Variants in IQCE observed in about 807,000 individuals in gnomAD.
IQCE encodes IQ domain-containing protein E.
A neutral mutation model predicts 96.0 loss-of-function variants in IQCE; 115 were observed. The observed-to-expected ratio is 1.20, with a 90% CI of 1.03 to 1.40. IQCE has a LOEUF of 1.40. Among genes scored for constraint, IQCE ranks in the 40% most tolerant of loss-of-function variants. The pLI, the probability that IQCE is intolerant of heterozygous loss-of-function variation, is 0.00. For synonymous variants in IQCE, 412 were observed against 371.2 expected (o/e 1.11, Z -1.26); for missense variants, 1,041 against 909.1 (o/e 1.15, Z -1.87).
chr7:2,597,536 T>C lies in IQCE; in HGVS notation c.1441-929T>C, dbSNP rs574792678. Among the ~76,000 whole-genome samples the C allele has an allele frequency of 8.5e-5, 13 of 152,364 alleles. No homozygotes were observed. In the South Asian group the frequency reaches 2.7e-3, roughly 32 times the overall value. ...CACTGGGAGCAGTCTTGTGTCTCCC[T>C]CCGGGGAGGGCTTTCAGCAACAGCG... is the stretch of plus-strand genomic sequence containing the variant. On this transcript the variant is annotated intron_variant, in intron 16 of 21. Coordinates refer to ENST00000402050, the MANE Select transcript of IQCE (RefSeq NM_152558.5).
At position 2,608,218 on chromosome 7, in the gene IQCE, C is replaced by T. The variant is rs115012924; in HGVS notation, c.1969+991C>T. On this transcript the variant is annotated intron_variant, in intron 21 of 21. Transcript: ENST00000402050. ...TACCACTCCAGTAAGTGTGGGGGCC[C>T]GTGGCGGGCGGAGGCCTCGCTTTCC... Among the ~76,000 whole-genome samples, 1,268 of 152,264 alleles carry T rather than the reference C, an allele frequency of 8.3e-3. 23 individuals are homozygous for T. Among genetic ancestry groups the T allele is most frequent in the African/African-American group, 0.029 (1,190 of 41,560 alleles).
At chr7:2,596,764 A>G (rs974452824) in intron 16 of IQCE, 51 of 340,358 alleles carry the variant, frequency 1.5e-4, no homozygotes, top group African/African-American at 9.9e-4. Flanking sequence ...GGACTAACAG[A>G]TGATCTCACT....
Position 2,559,077 on chromosome 7 carries a change from C to A in IQCE, c.-105C>A. 1 of 621,678 alleles carries A rather than the reference C, an allele frequency of 1.6e-6. No individual in the cohort carries two copies. Among genetic ancestry groups the A allele is most frequent in the Non-Finnish European group, 2.3e-6 (1 of 443,718 alleles). The allele number at this position is 621,678 out of a possible 1,614,324, so 38.5% of individuals were successfully genotyped here. On this transcript the variant is annotated 5_prime_UTR_variant, in exon 1 of 22. Coordinates refer to ENST00000402050, the MANE Select transcript of IQCE (RefSeq NM_152558.5). ...ATGGCAGCGGGGTCGCGGGCCGGCG[C>A]CAGGGAAGGCCCCGAGGCTGCGGGC...
intron 1 of IQCE, among the ~76,000 whole-genome samples, chr7:2,563,015 T>C (rs908082372): frequency 6.6e-6 from 1 of 152,148 alleles, no homozygotes; most frequent in Non-Finnish European, 1.5e-5. Flanking sequence ...AGCCTCATAC[T>C]CCTGGGCTTG....
chr7:2,593,752 T>A lies in IQCE; in HGVS notation c.1349+626T>A, dbSNP rs944755636. Among the ~76,000 whole-genome samples the A allele has an allele frequency of 3.3e-5, 5 of 152,306 alleles. No homozygotes were observed. In the East Asian group the frequency reaches 9.6e-4, roughly 29 times the overall value. ...AGCGAGGACTGCTGACGAGCATGGC[T>A]TCCTTTCTGGGGCGATGTAAACGTT... On this transcript the variant is annotated intron_variant, in intron 15 of 21. Coordinates refer to ENST00000402050, the MANE Select transcript of IQCE (RefSeq NM_152558.5).
chr7:2,589,959 C>A lies in IQCE; in HGVS notation c.1097C>A (p.Ser366Ter), dbSNP rs367705543. 54 of 1,613,834 alleles carry A rather than the reference C, an allele frequency of 3.3e-5. No homozygotes were observed. Among genetic ancestry groups the A allele is most frequent in the Non-Finnish European group, 4.1e-5 (48 of 1,180,036 alleles). ...TCACACGCCGCAGAGCCAGTCAGAT[C>A]ACACCCGCCAGCCTGCCTTGCATCC... ...SKSHAAEPVR[S>*]HPPACLASSS... The change falls in exon 14 of 22, where the codon TCA (serine) becomes TAA (stop). Residue 366 changes from serine (S) to a stop codon, truncating the protein, a stop_gained. Transcript: ENST00000402050. LOFTEE classifies it high-confidence loss of function.
chr7:2,590,633 G>C (rs1460264618), intron 14 of IQCE, among the ~76,000 whole-genome samples: 1 of 152,104 alleles, frequency 6.6e-6, no homozygotes, highest in Non-Finnish European at 1.5e-5. Flanking sequence ...GGGCGTGGTG[G>C]CTCATGTCTG....
At chr7:2,566,166 A>G (rs778576659) in intron 1 of IQCE, among the ~76,000 whole-genome samples, 2 of 152,136 alleles carry the variant, frequency 1.3e-5, no homozygotes, top group Non-Finnish European at 2.9e-5. Context: ...TCTAACTTCC[A>G]GTGTCCGCAT....
chr7:2,574,583 A>G (rs569597129), intron 6 of IQCE, among the ~76,000 whole-genome samples: 1 of 152,324 alleles, frequency 6.6e-6, no homozygotes, highest in South Asian at 2.1e-4. Flanking sequence ...TCCGGTTGGA[A>G]GACTGCGCTG....
chr7:2,572,848 T>G (rs77164072), intron 5 of IQCE: 86 of 415,924 alleles, frequency 2.1e-4, no homozygotes, highest in African/African-American at 1.7e-3. Flanking sequence ...CCGGCCTCTC[T>G]CTTTATCCAC....
intron 18 of IQCE, among the ~76,000 whole-genome samples, chr7:2,602,547 G>T (rs1784504405): frequency 2.0e-5 from 3 of 152,196 alleles, no homozygotes; most frequent in Admixed American, 2.0e-4. Context: ...ACCCACAGCT[G>T]CTTCTAAGTG....
At chr7:2,569,415 G>T (rs6976336) in intron 3 of IQCE, among the ~76,000 whole-genome samples, 3,795 of 152,284 alleles carry the variant, frequency 0.025, 163 homozygotes, top group African/African-American at 0.086. Context: ...TGTAGTTGGT[G>T]GGACGGGTGG....
chr7:2,577,649 G>A (rs773648983), intron 6 of IQCE, among the ~76,000 whole-genome samples: 13 of 83,178 alleles, frequency 1.6e-4, no homozygotes, highest in South Asian at 4.6e-4. Context: ...ATTGGCGTGT[G>A]CTTGGCTGTG....
At chr7:2,594,160 T>C (rs1405227914) in intron 15 of IQCE, among the ~76,000 whole-genome samples, 4 of 152,160 alleles carry the variant, frequency 2.6e-5, no homozygotes, top group Non-Finnish European at 5.9e-5. Context: ...CTTGGGAGGC[T>C]GAGGCAGGAG....
intron 14 of IQCE, among the ~76,000 whole-genome samples, chr7:2,591,359 C>T (rs1015972643): frequency 6.6e-6 from 1 of 152,162 alleles, no homozygotes; most frequent in African/African-American, 2.4e-5. Context: ...GACCTGTGGC[C>T]GTGGAACACC....
intron 6 of IQCE, among the ~76,000 whole-genome samples, chr7:2,577,289 G>T (rs1263324619): frequency 6.6e-6 from 1 of 151,716 alleles, no homozygotes. Flanking sequence ...GCGCAGTGGC[G>T]TGTGCTTGGC....
intron 17 of IQCE, among the ~76,000 whole-genome samples, 164 bp from the exon 18 acceptor site, chr7:2,601,277 A>G (rs1430824368): frequency 6.6e-6 from 1 of 152,096 alleles, no homozygotes; most frequent in Non-Finnish European, 1.5e-5. Context: ...CCTCCTTACA[A>G]AGGCGTTTGT....
chr7:2,584,972 T>C (rs1782982045), intron 11 of IQCE, among the ~76,000 whole-genome samples: 1 of 152,044 alleles, frequency 6.6e-6, no homozygotes, highest in South Asian at 2.1e-4. Context: ...AAAGTCTCCA[T>C]GAACATAGAA....
chr7:2,583,157 T>A (rs1203519669), intron 9 of IQCE, among the ~76,000 whole-genome samples: 1 of 152,214 alleles, frequency 6.6e-6, no homozygotes, highest in African/African-American at 2.4e-5. Flanking sequence ...GTGCAGAACC[T>A]CCATGACTTT....
Sources: allele counts gnomAD v4.1 joint callset (sites outside exome capture counted in the v4.1 genomes callset), GRCh38; gene constraint gnomAD v4.1.1; transcripts MANE v1.5; gene names NCBI Gene and HGNC (gene_info 2026-07-23, HGNC 2026-07-21).